The following ZNF420 variants were observed in gnomAD, a reference collection of about 807,000 sequenced individuals.
ZNF420 encodes the protein ATM and p53-associated KZNF protein.
ZNF420 carries 31 observed loss-of-function variants against 44.7 expected under a neutral mutation model. The ratio of observed to expected loss-of-function variants is 0.69; its 90% CI spans 0.52 to 0.94. The LOEUF is 0.94. ZNF420 is among the 40% of genes least tolerant of loss of function. The probability of loss-of-function intolerance (pLI) is 0.00; values close to 1 mark genes in which losing one functional copy is unlikely to be tolerated. For missense variants in ZNF420, 681 were observed against 827.9 expected, an observed-to-expected ratio of 0.82 and a Z score of 2.18; for synonymous variants, 245 against 267.4, an observed-to-expected ratio of 0.92 and a Z score of 0.82.
At chr19:37,038,557 G>T (rs1162217293) in intron 1 of ZNF420, among the ~76,000 whole-genome samples, 1 of 152,154 alleles carries the variant, frequency 6.6e-6, no homozygotes, top group African/African-American at 2.4e-5. Context: ...GTCCTTTGTT[G>T]TTCTTTCAAC....
chr19:37,039,007 AG>A (rs1967407616), intron 1 of ZNF420, among the ~76,000 whole-genome samples: 1 of 152,002 alleles, frequency 6.6e-6, no homozygotes, highest in East Asian at 1.9e-4. Context: ...AGAAAAGAAA[AG>A]AAAAAAGATT....
intron 4 of ZNF420, among the ~76,000 whole-genome samples, chr19:37,098,149 G>C (rs1286259777): frequency 6.6e-6 from 1 of 151,954 alleles, no homozygotes; most frequent in East Asian, 1.9e-4. Flanking sequence ...ATGAGGTTTT[G>C]CCACATTGCC....
chr19:37,114,086 G>C (rs928556440), intron 4 of ZNF420, among the ~76,000 whole-genome samples: 1 of 152,108 alleles, frequency 6.6e-6, no homozygotes, highest in African/African-American at 2.4e-5. Context: ...GCTCCCTCTT[G>C]GGCCTCTTCT....
chr19:37,076,698 T>C (rs1968163732), upstream of ZNF420, among the ~76,000 whole-genome samples: 1 of 152,190 alleles, frequency 6.6e-6, no homozygotes, highest in Admixed American at 6.5e-5. Flanking sequence ...ATAAAGGACA[T>C]GAACTCATCC....
chr19:37,049,935 G>A (rs1321339654), intron 1 of ZNF420, among the ~76,000 whole-genome samples: 2 of 152,102 alleles, frequency 1.3e-5, no homozygotes, highest in Non-Finnish European at 2.9e-5. Flanking sequence ...TCTACATATG[G>A]CTAGCCAGTT....
intron 4 of ZNF420, among the ~76,000 whole-genome samples, chr19:37,117,408 C>A (rs1970758130): frequency 6.6e-6 from 1 of 151,990 alleles, no homozygotes; most frequent in Admixed American, 6.6e-5. Context: ...GCAGGCGAGG[C>A]TCCTGTCTGT....
intron 1 of ZNF420, among the ~76,000 whole-genome samples, chr19:37,035,363 T>A (rs1021019615): frequency 9.9e-5 from 15 of 152,214 alleles, no homozygotes; most frequent in African/African-American, 3.4e-4. Context: ...AGTTTATATT[T>A]TTTTTCCATT....
chr19:37,122,730 AC>A (rs1971123599), intron 4 of ZNF420, among the ~76,000 whole-genome samples: 1 of 151,898 alleles, frequency 6.6e-6, no homozygotes, highest in Non-Finnish European at 1.5e-5. Flanking sequence ...CTTCTCATCT[AC>A]CTGAAGTGAC....
intron 4 of ZNF420, among the ~76,000 whole-genome samples, chr19:37,126,765 G>A (rs938736953): frequency 1.3e-5 from 2 of 152,054 alleles, no homozygotes; most frequent in East Asian, 3.9e-4. Flanking sequence ...TCTCTCAGAT[G>A]CCCCTTTCAT....
At chr19:37,023,852 A>C (rs1225429814) in intron 1 of ZNF420, among the ~76,000 whole-genome samples, 2 of 152,134 alleles carry the variant, frequency 1.3e-5, no homozygotes, top group Non-Finnish European at 2.9e-5. Flanking sequence ...GTCTTTATCC[A>C]AATTGTTTCT....
chr19:37,084,669 GTTTA>G (rs1349987240), intron 2 of ZNF420, among the ~76,000 whole-genome samples: 1 of 152,076 alleles, frequency 6.6e-6, no homozygotes, highest in African/African-American at 2.4e-5. Flanking sequence ...TCTGTGGACA[GTTTA>G]TTTGTTTGTT....
chr19:37,026,386 T>G (rs1967160495), intron 1 of ZNF420, among the ~76,000 whole-genome samples: 1 of 149,732 alleles, frequency 6.7e-6, no homozygotes, highest in African/African-American at 2.5e-5. Context: ...AATGGGGTGA[T>G]CTGGGCTCAC....
intron 1 of ZNF420, among the ~76,000 whole-genome samples, chr19:37,066,756 A>G (rs1967974716): frequency 5.9e-5 from 9 of 152,188 alleles, no homozygotes; most frequent in Admixed American, 5.9e-4. Flanking sequence ...CTGAACATAC[A>G]CCTATACACT....
Position 37,129,230 on chromosome 19 carries a change from C to A in ZNF420, c.*172C>A. 2 of 790,806 alleles carry A rather than the reference C, an allele frequency of 2.5e-6. No homozygotes were observed. The highest frequency in any genetic ancestry group is 2.6e-5 in the East Asian group (1 of 38,688). 49.0% of individuals were successfully genotyped at this position (790,806 alleles called of 1,614,324 possible). On this transcript the variant is annotated 3_prime_UTR_variant, in exon 5 of 5. Transcript: ENST00000337995. ...TATAGAAAAACATCATTACTGGAAA[C>A]CTATTAAACATTAGCAAATTGGAGA...
In ZNF420 at chr19:37,091,399, C is replaced by CTA. The variant is rs543660369; in HGVS notation, c.136+281_136+282dup. On this transcript the variant is annotated intron_variant, in intron 4 of 4. Transcript: ENST00000337995. ...TTGGAATATTGGCAGATAAAACAGC[C>CTA]TATACATTGTTACACTTTAGATCTG... 337 of 227,266 alleles carry CTA rather than the reference C, an allele frequency of 1.5e-3. 3 individuals are homozygous for CTA. The highest frequency in any genetic ancestry group is 7.2e-3 in the African/African-American group (312 of 43,618). 14.1% of individuals were successfully genotyped at this position (227,266 alleles called of 1,614,324 possible).
intron 4 of ZNF420, among the ~76,000 whole-genome samples, chr19:37,117,843 C>T (rs573092291): frequency 3.3e-5 from 5 of 152,066 alleles, no homozygotes; most frequent in South Asian, 2.1e-4. Flanking sequence ...CCTCAGGAGC[C>T]GACACGATCA....
upstream of ZNF420, among the ~76,000 whole-genome samples, chr19:37,075,696 C>T (rs574442786): frequency 4.5e-4 from 68 of 152,060 alleles, no homozygotes; most frequent in Non-Finnish European, 8.7e-4. Context: ...GAGCTGAGAG[C>T]GCACCACTGC....
rs1293307493 is a variant in ZNF420 at position 37,116,123 on chromosome 19, A to G, written c.137-11005A>G. 2.0e-5 allele frequency among the ~76,000 whole-genome samples: 3 copies of G among 152,242 alleles called. No homozygotes were observed. In the East Asian group the frequency reaches 5.8e-4, roughly 29 times the overall value. ...GTCTCTTATGTCTACTTCTTTCTAC[A>G]TAGACACAGTAAGAGGCTGATCTCT... On this transcript the variant is annotated intron_variant, in intron 4 of 4. Coordinates refer to ENST00000337995, the MANE Select transcript of ZNF420 (RefSeq NM_144689.5).
intron 1 of ZNF420, among the ~76,000 whole-genome samples, chr19:37,066,697 G>A (rs1036192723): frequency 1.3e-5 from 2 of 152,212 alleles, no homozygotes; most frequent in African/African-American, 4.8e-5. Context: ...TAATGGGAGT[G>A]TAAAATGGTG....
Sources: allele counts gnomAD v4.1 joint callset (sites outside exome capture counted in the v4.1 genomes callset), GRCh38; gene constraint gnomAD v4.1.1; transcripts MANE v1.5; gene names NCBI Gene and HGNC (gene_info 2026-07-23, HGNC 2026-07-21).